EIF3F: variants seen among roughly 807,000 people sequenced by gnomAD.
EIF3F encodes eukaryotic translation initiation factor 3 subunit F.
EIF3F carries 8 observed loss-of-function variants against 36.0 expected under a neutral mutation model. The observed-to-expected ratio is 0.22, with a 90% CI of 0.13 to 0.40. The LOEUF (loss-of-function observed/expected upper bound fraction) is 0.40. EIF3F is among the 10% of genes least tolerant of loss of function. EIF3F has a pLI of 1.00. For missense variants in EIF3F, 430 were observed against 467.6 expected (o/e 0.92, Z 0.74); for synonymous variants, 184 against 188.5 (o/e 0.98, Z 0.19).
At chr11:7,987,842 CTT>C in intron 1 of EIF3F, 126 bp downstream of exon 1, 1 of 1,325,838 alleles carries the variant, frequency 7.5e-7, no homozygotes, top group Non-Finnish European at 9.8e-7. Context: ...CCAATGACCT[CTT>C]AATCTATATC....
Position 7,996,178 on chromosome 11 carries a change from C to G in EIF3F, c.*156C>G. On this transcript the variant is annotated 3_prime_UTR_variant, in exon 8 of 8. Transcript: ENST00000651655. The stretch of plus-strand genomic sequence containing the variant: ...CCTACCTTTTGTAAATTAATTTCAT[C>G]TTATGTGAGTTTATTGCCGGGTGGA... The G allele has an allele frequency of 3.1e-6, 2 of 637,258 alleles. No homozygotes were observed. Among genetic ancestry groups the G allele is most frequent in the Admixed American group, 5.7e-5 (2 of 35,382 alleles). The allele number at this position is 637,258 out of a possible 1,614,324, so 39.5% of individuals were successfully genotyped here. A position where few individuals can be genotyped will look rare whatever the true frequency, so the allele number is the denominator to read the frequency against.
Position 7,992,585 on chromosome 11 carries a change from A to T in EIF3F, c.516-302A>T, listed in dbSNP as rs1942109809. The T allele has an allele frequency of 1.1e-5, 5 of 457,894 alleles. No homozygotes were observed. The Admixed American group carries it at 1.9e-4, about 17-fold the overall frequency. 28.4% of individuals were successfully genotyped at this position (457,894 alleles called of 1,614,324 possible). ...GAGTGCGACCCTGTCTCTAAAAAACAAAAGGAAAGTGTGTTACCTGTAGGA... is the reference window on the plus strand; with the variant it reads ...GAGTGCGACCCTGTCTCTAAAAAACTAAAGGAAAGTGTGTTACCTGTAGGA... On this transcript the variant is annotated intron_variant, in intron 3 of 7. Transcript: ENST00000651655.
rs1263789583 is a variant in EIF3F at position 7,999,126 on chromosome 11, C to T, written c.*3104C>T. The T allele has an allele frequency of 2.0e-5, 3 of 152,144 alleles. No homozygotes were observed. Among genetic ancestry groups the T allele is most frequent in the African/African-American group, 7.2e-5 (3 of 41,424 alleles). The allele number at this position is 152,144 out of a possible 1,614,324, so 9.4% of individuals were successfully genotyped here. A position where few individuals can be genotyped will look rare whatever the true frequency, so the allele number is the denominator to read the frequency against. ...AAAAACAAAAAATACAAAAATTAGC[C>T]AGGCGTGGTGGCACGCACCTGTAGT... On this transcript the variant is annotated 3_prime_UTR_variant, in exon 8 of 8. Coordinates refer to ENST00000651655, the MANE Select transcript of EIF3F (RefSeq NM_003754.3).
intron 3 of EIF3F, chr11:7,992,669 A>C: frequency 1.6e-6 from 1 of 607,914 alleles, no homozygotes; most frequent in South Asian, 1.9e-5. Flanking sequence ...GGATATTTCG[A>C]ATTACCTTGT....
rs1389793271 is a variant in EIF3F at position 8,000,773 on chromosome 11, T to C, written c.*4751T>C. The C allele has an allele frequency of 6.6e-6, 1 of 151,968 alleles. No homozygotes were observed. The highest frequency in any genetic ancestry group is 1.5e-5 in the Non-Finnish European group (1 of 68,006). 9.4% of individuals were successfully genotyped at this position (151,968 alleles called of 1,614,324 possible). A position where few individuals can be genotyped will look rare whatever the true frequency, so the allele number is the denominator to read the frequency against. On this transcript the variant is annotated 3_prime_UTR_variant, in exon 8 of 8. Coordinates refer to ENST00000651655, the MANE Select transcript of EIF3F (RefSeq NM_003754.3). ...AATGTTGGATTCCTACTTCGTTACC[T>C]GCACCAAAATAAGTTGCTCATGGAA...
Position 7,987,672 on chromosome 11 carries a change from A to G in EIF3F, c.320A>G (p.Glu107Gly). The G allele has an allele frequency of 6.6e-7, 1 of 1,523,920 alleles. No homozygotes were observed. Among genetic ancestry groups the G allele is most frequent in the Middle Eastern group, 1.9e-4 (1 of 5,252 alleles). The allele number at this position is 1,523,920 out of a possible 1,614,324, so 94.4% of individuals were successfully genotyped here. The change falls in exon 1 of 8, where the codon GAG (glutamate) becomes GGG (glycine). Residue 107 changes from glutamate (E) to glycine (G), a missense_variant. Around this residue, in one of 2 missense-constraint regions of EIF3F, gnomAD observed 262 missense variants for 347.4 expected, o/e 0.75. Transcript: ENST00000651655. ...TTGGCCTCCATTGTGGACAGCTACG[A>G]GAGACGCAACGAGGGTGCTGCCCGA... is the stretch of plus-strand genomic sequence containing the variant. Reference protein sequence around the residue: ...VILASIVDSYERRNEGAARVI... With the variant: ...VILASIVDSYGRRNEGAARVI...
rs796540211 is a variant in EIF3F at position 7,999,953 on chromosome 11, C to T, written c.*3931C>T. 18 of 152,426 alleles carry T rather than the reference C, an allele frequency of 1.2e-4. No individual in the cohort carries two copies. Among genetic ancestry groups the T allele is most frequent in the African/African-American group, 4.3e-4 (18 of 41,572 alleles). 9.4% of individuals were successfully genotyped at this position (152,426 alleles called of 1,614,324 possible). On this transcript the variant is annotated 3_prime_UTR_variant, in exon 8 of 8. Transcript: ENST00000651655. ...GCGCGGTGGCCCACGCCTGTAATCC[C>T]AGCACTTTGGGAGGCCAAGGCAGGT... is the stretch of plus-strand genomic sequence containing the variant.
chr11:7,987,748 C>T (rs762451982), intron 1 of EIF3F, 32 bp downstream of exon 1: 37 of 1,461,308 alleles, frequency 2.5e-5, no homozygotes, highest in Middle Eastern at 1.9e-4. Flanking sequence ...ACATTCTTTT[C>T]TTCCTCCCAC....
chr11:7,994,276 TC>T (rs1198457234), intron 4 of EIF3F, 149 bp from the exon 5 acceptor site: 1 of 650,628 alleles, frequency 1.5e-6, no homozygotes, highest in Non-Finnish European at 2.7e-6. Context: ...TAACTTTTGC[TC>T]CCATGAGACC....
intron 1 of EIF3F, among the ~76,000 whole-genome samples, chr11:7,989,479 C>T (rs1942066062): frequency 1.3e-5 from 2 of 152,136 alleles, no homozygotes; most frequent in African/African-American, 4.8e-5. Context: ...ATTCTGCTTG[C>T]TATGAACTTA....
Position 7,996,732 on chromosome 11 carries a change from A to G in EIF3F, c.*710A>G, listed in dbSNP as rs1458683733. ...ACTTCAGACATCCATTTCCTCTGGT[A>G]TCCTGGAGTTCCGCCTCGCCACTGT... is the stretch of plus-strand genomic sequence containing the variant. On this transcript the variant is annotated 3_prime_UTR_variant, in exon 8 of 8. Coordinates refer to ENST00000651655, the MANE Select transcript of EIF3F (RefSeq NM_003754.3). 4.6e-5 allele frequency: 7 copies of G among 152,222 alleles called. No homozygotes were observed. The highest frequency in any genetic ancestry group is 9.6e-5 in the African/African-American group (4 of 41,470). The allele number at this position is 152,222 out of a possible 1,614,324, so 9.4% of individuals were successfully genotyped here.
Position 7,992,962 on chromosome 11 carries a change from C to T in EIF3F, c.591C>T (p.Pro197=), listed in dbSNP as rs143747261. The T allele has an allele frequency of 9.4e-5, 152 of 1,613,298 alleles. No homozygotes were observed. The African/African-American group carries it at 1.6e-3, about 17-fold the overall frequency. The change falls in exon 4 of 8, where the codon CCC becomes CCT. Residue 197 remains proline (P), a synonymous_variant. Transcript: ENST00000651655. ...HEYYSREAPN[P]IHLTVDTSLQ... is the part of the protein sequence containing the mutation. ...ACTACAGCCGAGAGGCCCCCAACCC[C>T]ATCCACCTCACTGTGGACACAAGTC...
chr11:7,995,400 G>A (rs763338956), intron 7 of EIF3F, 33 bp downstream of exon 7: 32 of 1,544,232 alleles, frequency 2.1e-5, no homozygotes, highest in Non-Finnish European at 2.8e-5. Context: ...TTCTTGCCTG[G>A]TTTCTTCCCC....
chr11:7,992,742 G>T, intron 3 of EIF3F, 145 bp from the exon 4 acceptor site: 1 of 939,218 alleles, frequency 1.1e-6, no homozygotes, highest in Non-Finnish European at 1.6e-6. Context: ...CATAGTTTTC[G>T]GTGTGTGTAT....
At chr11:7,992,241 T>C (rs1261302822) in intron 3 of EIF3F, 78 bp downstream of exon 3, 10 of 1,230,404 alleles carry the variant, frequency 8.1e-6, no homozygotes, top group Admixed American at 2.0e-5. Context: ...CTGGACTGGA[T>C]CTTATACTCT....
In EIF3F at chr11:8,000,224, A is replaced by G. The variant is rs759118327; in HGVS notation, c.*4202A>G. 3 of 151,900 alleles carry G rather than the reference A, an allele frequency of 2.0e-5. No homozygotes were observed. Among genetic ancestry groups the G allele is most frequent in the Admixed American group, 6.6e-5 (1 of 15,238 alleles). 9.4% of individuals were successfully genotyped at this position (151,900 alleles called of 1,614,324 possible). A position where few individuals can be genotyped will look rare whatever the true frequency, so the allele number is the denominator to read the frequency against. On this transcript the variant is annotated 3_prime_UTR_variant, in exon 8 of 8. Coordinates refer to ENST00000651655, the MANE Select transcript of EIF3F (RefSeq NM_003754.3). ...ACTTCATCTCAAAAAAAAAAAAGGTACATCTACACAATGGAATATTATTAA... is the reference window on the plus strand; with the variant it reads ...ACTTCATCTCAAAAAAAAAAAAGGTGCATCTACACAATGGAATATTATTAA...
At position 7,987,640 on chromosome 11, in the gene EIF3F, A is replaced by T; in HGVS notation, c.288A>T (p.Pro96=). Reference sequence around the variant, plus strand: ...GCGGCCGCGTGGTCAGGCTGCACCCAGTCATTTTGGCCTCCATTGTGGACA... The same window carrying T: ...GCGGCCGCGTGGTCAGGCTGCACCCTGTCATTTTGGCCTCCATTGTGGACA... ...FPGGRVVRLH[P]VILASIVDSY... The change falls in exon 1 of 8, where the codon CCA becomes CCT. Residue 96 remains proline (P), a synonymous_variant. Transcript: ENST00000651655. 6.4e-7 allele frequency: 1 copy of T among 1,565,948 alleles called. No homozygotes were observed.
Position 7,987,581 on chromosome 11 carries a change from C to T in EIF3F, c.229C>T (p.Leu77=), listed in dbSNP as rs1402964982. The change falls in exon 1 of 8, where the codon CTG becomes TTG. Residue 77 remains leucine, a synonymous_variant. Coordinates refer to ENST00000651655, the MANE Select transcript of EIF3F (RefSeq NM_003754.3). ...TCCAGCGCAGACCCCAGCGCCCGCT[C>T]TGCCTGGTCCTGCTCTTCCAGGGCC... The part of the protein sequence containing the change: ...QAPAQTPAPA[L]PGPALPGPFP... 6.3e-7 allele frequency: 1 copy of T among 1,594,284 alleles called. No individual in the cohort carries two copies.
chr11:7,989,256 T>G (rs1942063019), intron 1 of EIF3F, among the ~76,000 whole-genome samples: 1 of 152,240 alleles, frequency 6.6e-6, no homozygotes, highest in African/African-American at 2.4e-5. Flanking sequence ...CTTACTCTTT[T>G]GGCTGCACTT....
Sources: allele counts gnomAD v4.1 joint callset (sites outside exome capture counted in the v4.1 genomes callset), GRCh38; gene constraint gnomAD v4.1.1; regional missense constraint gnomAD v4.1.1; transcripts MANE v1.5; gene names NCBI Gene and HGNC (gene_info 2026-07-23, HGNC 2026-07-21).